The following FAM227B variants were observed in gnomAD, a reference collection of about 807,000 sequenced individuals.
The protein encoded by FAM227B is protein FAM227B.
Under a neutral mutation model 73.8 loss-of-function variants are expected in FAM227B, and 88 were observed. The ratio of observed to expected loss-of-function variants is 1.19; its 90% confidence interval spans 1.00 to 1.42. The LOEUF is 1.42. Ranked by LOEUF, FAM227B falls within the 40% of genes most tolerant of loss-of-function variation. The probability of loss-of-function intolerance (pLI) is 0.00; values close to 1 mark genes in which losing one functional copy is unlikely to be tolerated. For synonymous variants in FAM227B, 210 were observed against 190.5 expected, an observed-to-expected ratio of 1.10 and a Z score of -0.84; for missense variants, 632 against 590.9, an observed-to-expected ratio of 1.07 and a Z score of -0.72.
At chr15:49,416,513 A>C (rs1904316) in intron 11 of FAM227B, among the ~76,000 whole-genome samples, 69,783 of 151,824 alleles carry the variant, frequency 0.46, 16,272 homozygotes, top group African/African-American at 0.52. Flanking sequence ...AGTCAGAACT[A>C]TCAGGCAAGA....
chr15:49,617,933 C>T lies in FAM227B; in HGVS notation c.-72-2690G>A, dbSNP rs924371265. On this transcript the variant is annotated intron_variant, in intron 1 of 15. Transcript: ENST00000299338. Reference sequence around the variant, plus strand: ...GATCTTTTTGTGAGAAAAGGGGCTTCTAGCAGTCACCTGCTATCCTTTGCT... The same window carrying T: ...GATCTTTTTGTGAGAAAAGGGGCTTTTAGCAGTCACCTGCTATCCTTTGCT... Among the ~76,000 whole-genome samples, 3 of 152,300 alleles carry T rather than the reference C, an allele frequency of 2.0e-5. No homozygotes were observed. The East Asian group carries it at 5.8e-4, about 29-fold the overall frequency.
chr15:49,418,609 A>G (rs2049379102), intron 11 of FAM227B, among the ~76,000 whole-genome samples: 1 of 152,128 alleles, frequency 6.6e-6, no homozygotes, highest in African/African-American at 2.4e-5. Flanking sequence ...ACAAATGGAC[A>G]CAAACAGAGA....
intron 10 of FAM227B, among the ~76,000 whole-genome samples, chr15:49,531,621 G>C (rs1219483013): frequency 2.0e-5 from 3 of 151,922 alleles, no homozygotes; most frequent in Admixed American, 6.6e-5. Flanking sequence ...TTCCAGAAAG[G>C]ATCATGTCTC....
At chr15:49,484,201 A>C (rs2056202414) in intron 11 of FAM227B, 1 of 690,074 alleles carries the variant, frequency 1.4e-6, no homozygotes, top group Non-Finnish European at 2.4e-6. Flanking sequence ...GGGTTAAAAA[A>C]AGTTGTGTAT....
intron 8 of FAM227B, among the ~76,000 whole-genome samples, chr15:49,571,931 C>T (rs896340968): frequency 6.6e-6 from 1 of 151,920 alleles, no homozygotes; most frequent in African/African-American, 2.4e-5. Flanking sequence ...CTGTAGGTTG[C>T]TTTGGGTAGT....
chr15:49,455,748 A>C (rs1375190585), intron 11 of FAM227B, among the ~76,000 whole-genome samples: 2 of 152,170 alleles, frequency 1.3e-5, no homozygotes, highest in African/African-American at 2.4e-5. Flanking sequence ...AAGTGGAGAA[A>C]ACAAAACGTG....
intron 2 of FAM227B, among the ~76,000 whole-genome samples, chr15:49,614,283 C>T (rs1468108596): frequency 6.6e-6 from 1 of 152,010 alleles, no homozygotes; most frequent in Non-Finnish European, 1.5e-5. Context: ...ATATAAAACA[C>T]CTACACTTCC....
intron 9 of FAM227B, among the ~76,000 whole-genome samples, chr15:49,542,763 C>T (rs2071263833): frequency 1.3e-5 from 2 of 149,744 alleles, no homozygotes; most frequent in Non-Finnish European, 3.0e-5. Context: ...ATATTTTTAA[C>T]TTTTATTTTA....
intron 11 of FAM227B, among the ~76,000 whole-genome samples, chr15:49,449,976 C>T (rs1310628394): frequency 1.3e-5 from 2 of 152,058 alleles, no homozygotes; most frequent in African/African-American, 4.8e-5. Flanking sequence ...CATGCTCAAT[C>T]ACAAACTAGA....
intron 11 of FAM227B, among the ~76,000 whole-genome samples, chr15:49,470,243 T>G (rs898822494): frequency 5.4e-5 from 2 of 37,380 alleles, no homozygotes; most frequent in Admixed American, 4.9e-4. Context: ...CTTATAATTC[T>G]TTAACACTGG....
chr15:49,484,102 G>A (rs2056190972), intron 11 of FAM227B, among the ~76,000 whole-genome samples: 1 of 151,916 alleles, frequency 6.6e-6, no homozygotes, highest in African/African-American at 2.4e-5. Flanking sequence ...GTATTATGTG[G>A]TGTTTTTATT....
intron 9 of FAM227B, among the ~76,000 whole-genome samples, chr15:49,563,044 G>C (rs1025482357): frequency 6.6e-6 from 1 of 152,048 alleles, no homozygotes; most frequent in African/African-American, 2.4e-5. Flanking sequence ...AATAGTAAAA[G>C]AAGTCAAATT....
At chr15:49,429,467 T>C (rs1192914612) in intron 11 of FAM227B, among the ~76,000 whole-genome samples, 1 of 151,998 alleles carries the variant, frequency 6.6e-6, no homozygotes, top group Non-Finnish European at 1.5e-5. Flanking sequence ...CTTTTCTCTT[T>C]TGTAAATCCT....
At chr15:49,337,466 GT>G in intron 13 of FAM227B, among the ~76,000 whole-genome samples, 1 of 77,972 alleles carries the variant, frequency 1.3e-5, no homozygotes, top group Middle Eastern at 9.6e-3. Context: ...TTTTGCATAT[GT>G]TTGTTGGACA....
intron 5 of FAM227B, 47 bp from the exon 6 acceptor site, chr15:49,577,711 A>C (rs772881752): frequency 1.3e-5 from 16 of 1,198,824 alleles, no homozygotes; most frequent in South Asian, 4.2e-5. Flanking sequence ...AATTAAAGAA[A>C]TTTTACATTT....
rs371400906 is a variant in FAM227B at position 49,448,918 on chromosome 15, A to T, written c.1012+59293T>A. Among the ~76,000 whole-genome samples, 66 of 152,026 alleles carry T rather than the reference A, an allele frequency of 4.3e-4. 2 individuals are homozygous for T. In the East Asian group the frequency reaches 0.012, roughly 29 times the overall value. On this transcript the variant is annotated intron_variant, in intron 11 of 15. Coordinates refer to ENST00000299338, the MANE Select transcript of FAM227B (RefSeq NM_152647.3). Reference sequence around the variant, plus strand: ...CTGGATACTTTCTCATATCTAGGGAAATTACTCCTGCTTCAGTTTAAGCCC... The same window carrying T: ...CTGGATACTTTCTCATATCTAGGGATATTACTCCTGCTTCAGTTTAAGCCC...
At chr15:49,550,653 G>A (rs1339039533) in intron 9 of FAM227B, among the ~76,000 whole-genome samples, 1 of 151,864 alleles carries the variant, frequency 6.6e-6, no homozygotes, top group Non-Finnish European at 1.5e-5. Flanking sequence ...GGGGCGGCGG[G>A]GCAGAGGCTC....
At chr15:49,501,249 G>A (rs927896004) in intron 11 of FAM227B, among the ~76,000 whole-genome samples, 4 of 152,136 alleles carry the variant, frequency 2.6e-5, no homozygotes, top group South Asian at 2.1e-4. Flanking sequence ...GGAAGATGAG[G>A]GAAAGTTCAG....
At chr15:49,559,036 C>T (rs2074011915) in intron 9 of FAM227B, among the ~76,000 whole-genome samples, 1 of 152,050 alleles carries the variant, frequency 6.6e-6, no homozygotes, top group Non-Finnish European at 1.5e-5. Context: ...TGCCCTGAAA[C>T]CACTCCCACA....
Sources: allele counts gnomAD v4.1 joint callset (sites outside exome capture counted in the v4.1 genomes callset), GRCh38; gene constraint gnomAD v4.1.1; transcripts MANE v1.5; gene names NCBI Gene and HGNC (gene_info 2026-07-23, HGNC 2026-07-21).